The following KIF26B variants were observed in gnomAD, a reference collection of about 807,000 sequenced individuals.
KIF26B encodes the protein kinesin family member 26B, also known as kinesin-like protein KIF26B.
In KIF26B, 63 loss-of-function variants were observed where a neutral mutation model predicts 151.2. The ratio of observed to expected loss-of-function variants is 0.42; its 90% CI spans 0.34 to 0.51. The LOEUF is 0.51. Ranked by LOEUF, KIF26B falls within the 20% of genes least tolerant of loss-of-function variation. The pLI is 0.07. For synonymous variants in KIF26B, 1,357 were observed against 1,262.1 expected (o/e 1.08, Z -1.59); for missense variants, 2,813 against 2,913.6 (o/e 0.97, Z 0.79).
intron 12 of KIF26B, among the ~76,000 whole-genome samples, chr1:245,693,763 G>A (rs10924306): frequency 0.65 from 98,017 of 151,908 alleles, 33,981 homozygotes; most frequent in Non-Finnish European, 0.79. Flanking sequence ...TCTCCTATTC[G>A]TTTGGTTCTC....
chr1:245,385,506 T>A (rs1673521796), intron 3 of KIF26B, among the ~76,000 whole-genome samples: 1 of 152,210 alleles, frequency 6.6e-6, no homozygotes, highest in Non-Finnish European at 1.5e-5. Flanking sequence ...TACATTGTAG[T>A]ACCCTGAATG....
intron 2 of KIF26B, among the ~76,000 whole-genome samples, chr1:245,175,968 A>T (rs1465265692): frequency 6.9e-6 from 1 of 145,644 alleles, no homozygotes; most frequent in African/African-American, 2.6e-5. Context: ...ATCTATATAT[A>T]TAGACATCTA....
intron 2 of KIF26B, among the ~76,000 whole-genome samples, chr1:245,203,385 A>G (rs1057489720): frequency 9.9e-5 from 15 of 152,262 alleles, no homozygotes; most frequent in Non-Finnish European, 1.9e-4. Flanking sequence ...TTAATACTAC[A>G]CATCACTTTC....
At chr1:245,309,198 A>G (rs1408508745) in intron 2 of KIF26B, among the ~76,000 whole-genome samples, 3 of 152,200 alleles carry the variant, frequency 2.0e-5, no homozygotes, top group African/African-American at 4.8e-5. Context: ...ATTAGTGCCA[A>G]TAATGCTGTC....
intron 5 of KIF26B, among the ~76,000 whole-genome samples, chr1:245,557,769 G>A (rs148955090): frequency 1.3e-3 from 192 of 152,258 alleles, no homozygotes; most frequent in South Asian, 4.8e-3. Flanking sequence ...GCACAGGTGA[G>A]CTACAGTAAT....
At chr1:245,594,707 A>G (rs1446477165) in intron 5 of KIF26B, among the ~76,000 whole-genome samples, 1 of 152,208 alleles carries the variant, frequency 6.6e-6, no homozygotes, top group African/African-American at 2.4e-5. Context: ...CTATGAAGAA[A>G]GTCAATGGTA....
intron 2 of KIF26B, among the ~76,000 whole-genome samples, chr1:245,281,252 C>T (rs1671043892): frequency 1.3e-5 from 1 of 79,640 alleles, no homozygotes; most frequent in Non-Finnish European, 2.4e-5. Context: ...TTCTCCACAT[C>T]TTCTCCAGCA....
intron 6 of KIF26B, 86 bp from the exon 7 acceptor site, chr1:245,607,565 C>A: frequency 9.1e-7 from 1 of 1,099,184 alleles, no homozygotes; most frequent in East Asian, 2.6e-5. Context: ...ACCCGAAGCC[C>A]CAGGAAGGTG....
At chr1:245,592,393 A>G (rs888294271) in intron 5 of KIF26B, among the ~76,000 whole-genome samples, 5 of 152,238 alleles carry the variant, frequency 3.3e-5, no homozygotes, top group Non-Finnish European at 7.3e-5. Flanking sequence ...TTCGCCAGGC[A>G]GGTGCCTTTG....
chr1:245,686,704 T>C lies in KIF26B; in HGVS notation c.3721T>C (p.Cys1241Arg), dbSNP rs1207931638. 7 of 1,612,782 alleles carry C rather than the reference T, an allele frequency of 4.3e-6. No homozygotes were observed. The highest frequency in any genetic ancestry group is 5.9e-6 in the Non-Finnish European group (7 of 1,179,524). The change falls in exon 12 of 15, where the codon TGC (cysteine) becomes CGC (arginine). Residue 1241 changes from cysteine to arginine, a missense_variant. Transcript: ENST00000407071. The surrounding 1 kb of genome is among the most constrained non-coding windows in gnomAD (Gnocchi z 5.6). ...CAGCAGCATCAGCGAGGACCTGGAG[T>C]GCTACTCCAGCACGGCCCCCGTCTC... ...IISSISEDLE[C>R]YSSTAPVSEV...
chr1:245,594,521 G>T (rs1407771402), intron 5 of KIF26B, among the ~76,000 whole-genome samples: 1 of 152,120 alleles, frequency 6.6e-6, no homozygotes, highest in Non-Finnish European at 1.5e-5. Flanking sequence ...TGTTACATTT[G>T]TCTATATCTC....
At chr1:245,448,505 C>A (rs765846239) in intron 4 of KIF26B, among the ~76,000 whole-genome samples, 1 of 152,152 alleles carries the variant, frequency 6.6e-6, no homozygotes. Flanking sequence ...CGACCATGCC[C>A]GGCTTGAATT....
chr1:245,470,446 T>G (rs1659885071), intron 4 of KIF26B, among the ~76,000 whole-genome samples: 1 of 152,130 alleles, frequency 6.6e-6, no homozygotes, highest in African/African-American at 2.4e-5. Flanking sequence ...TGTTTTTGTT[T>G]TTGAGATGGA....
At position 245,160,276 on chromosome 1, in the gene KIF26B, C is replaced by T. The variant is rs891923267; in HGVS notation, c.465+3593C>T. Among the ~76,000 whole-genome samples the T allele has an allele frequency of 3.3e-5, 5 of 152,078 alleles. No individual in the cohort carries two copies. In the South Asian group the frequency reaches 6.2e-4, roughly 19 times the overall value. On this transcript the variant is annotated intron_variant, in intron 2 of 14. Transcript: ENST00000407071. Reference sequence around the variant, plus strand: ...GTTTATATCGTTTCTCTTTTGGTGCCGGTGAGTGGAAGTGGTCGGATAAAA... The same window carrying T: ...GTTTATATCGTTTCTCTTTTGGTGCTGGTGAGTGGAAGTGGTCGGATAAAA...
At chr1:245,539,188 A>C in intron 4 of KIF26B, among the ~76,000 whole-genome samples, 1 of 152,150 alleles carries the variant, frequency 6.6e-6, no homozygotes, top group East Asian at 1.9e-4. Context: ...AGTTTTACAG[A>C]TGAGAACAAT....
chr1:245,689,075 C>G (rs1383434869), intron 12 of KIF26B, among the ~76,000 whole-genome samples: 1 of 152,208 alleles, frequency 6.6e-6, no homozygotes, highest in Non-Finnish European at 1.5e-5. Flanking sequence ...CTGTGAGAAA[C>G]TGCCCTACTG....
chr1:245,676,566 A>G (rs1203388746), intron 10 of KIF26B: 2 of 152,254 alleles, frequency 1.3e-5, no homozygotes, highest in Non-Finnish European at 2.9e-5. Context: ...TTTCTCCAGA[A>G]GTAGGTTGAA....
rs116133573 is a variant in KIF26B, at chr1:245,598,478, C to T, written c.1351-4099C>T. ...GAAACAGGCCATGAAGAGCCTCCTA[C>T]ATGTGCACCATGTGGCTACGCTCCG... On this transcript the variant is annotated intron_variant, in intron 5 of 14. Coordinates refer to ENST00000407071, the MANE Select transcript of KIF26B (RefSeq NM_018012.4). 5.2e-3 allele frequency among the ~76,000 whole-genome samples: 786 copies of T among 152,302 alleles called. 9 individuals are homozygous for T. Among genetic ancestry groups the T allele is most frequent in the African/African-American group, 0.018 (759 of 41,556 alleles).
chr1:245,384,780 T>A (rs1673501373), intron 3 of KIF26B, among the ~76,000 whole-genome samples: 1 of 152,252 alleles, frequency 6.6e-6, no homozygotes, highest in Non-Finnish European at 1.5e-5. Context: ...AAAAGTTTTA[T>A]GTTAATAGTA....
Sources: allele counts gnomAD v4.1 joint callset (sites outside exome capture counted in the v4.1 genomes callset), GRCh38; gene constraint gnomAD v4.1.1; non-coding constraint Gnocchi (gnomAD v3.1); transcripts MANE v1.5; gene names NCBI Gene and HGNC (gene_info 2026-07-23, HGNC 2026-07-21).